Variants in LHFPL6 observed in about 807,000 individuals in gnomAD.
The protein encoded by LHFPL6 is LHFPL tetraspan subfamily member 6.
Under a neutral mutation model 20.6 loss-of-function variants are expected in LHFPL6, and 9 were observed. The observed-to-expected ratio is 0.44, with a 90% CI of 0.26 to 0.76. The LOEUF (loss-of-function observed/expected upper bound fraction) is 0.76. Ranked by LOEUF, LHFPL6 falls within the 30% of genes least tolerant of loss-of-function variation. The pLI, the probability that LHFPL6 is intolerant of heterozygous loss-of-function variation, is 0.20. For missense variants in LHFPL6, 218 were observed against 253.5 expected (o/e 0.86, Z 0.95); for synonymous variants, 105 against 98.7 (o/e 1.06, Z -0.38).
chr13:39,562,491 C>T (rs202024337), intron 2 of LHFPL6, among the ~76,000 whole-genome samples: 49 of 128,658 alleles, frequency 3.8e-4, no homozygotes, highest in Admixed American at 8.1e-4. Flanking sequence ...CATATATACA[C>T]ATATACATAT....
chr13:39,365,364 C>T (rs1869984757), intron 3 of LHFPL6, among the ~76,000 whole-genome samples: 1 of 152,172 alleles, frequency 6.6e-6, no homozygotes, highest in South Asian at 2.1e-4. Flanking sequence ...GGTTACATAC[C>T]TAGAGAACCG....
At chr13:39,437,094 T>C (rs1445981450) in intron 2 of LHFPL6, among the ~76,000 whole-genome samples, 1 of 152,236 alleles carries the variant, frequency 6.6e-6, no homozygotes, top group Non-Finnish European at 1.5e-5. Flanking sequence ...GCTCAAAACA[T>C]GTAAGCTGCT....
intron 2 of LHFPL6, among the ~76,000 whole-genome samples, chr13:39,395,355 G>T (rs1870815163): frequency 6.6e-6 from 1 of 152,178 alleles, no homozygotes. Context: ...CTAAAAATAT[G>T]GATCAGCTGA....
intron 2 of LHFPL6, among the ~76,000 whole-genome samples, chr13:39,483,700 A>T (rs951427387): frequency 6.6e-6 from 1 of 152,160 alleles, no homozygotes; most frequent in Non-Finnish European, 1.5e-5. Context: ...ACCAAAATCA[A>T]TGCAGAGAGG....
chr13:39,455,113 T>C (rs140883759), intron 2 of LHFPL6, among the ~76,000 whole-genome samples: 2 of 152,184 alleles, frequency 1.3e-5, no homozygotes, highest in East Asian at 3.9e-4. Context: ...GGCTTCCCAA[T>C]CTCCAGAATT....
chr13:39,558,585 ATGATGATATCATTTTT>A (rs1259692754), intron 2 of LHFPL6, among the ~76,000 whole-genome samples: 3 of 152,212 alleles, frequency 2.0e-5, no homozygotes, highest in African/African-American at 7.2e-5. Context: ...AGATGACACG[ATGATGATATCATTTTT>A]AAAAGGCCAC....
At chr13:39,495,970 C>T (rs1869088301) in intron 2 of LHFPL6, among the ~76,000 whole-genome samples, 1 of 151,570 alleles carries the variant, frequency 6.6e-6, no homozygotes, top group Non-Finnish European at 1.5e-5. Flanking sequence ...TTCAGTTTGT[C>T]TAGAGTCAAG....
intron 2 of LHFPL6, among the ~76,000 whole-genome samples, chr13:39,399,283 A>T (rs74518448): frequency 0.014 from 2,135 of 152,350 alleles, 58 homozygotes; most frequent in African/African-American, 0.049. Context: ...CAGACACCAC[A>T]GTCTAAAGTG....
At chr13:39,464,313 G>C (rs1872750779) in intron 2 of LHFPL6, among the ~76,000 whole-genome samples, 1 of 152,146 alleles carries the variant, frequency 6.6e-6, no homozygotes, top group Admixed American at 6.5e-5. Flanking sequence ...CCAATAAATT[G>C]AGGTGCTGAT....
chr13:39,385,495 C>G (rs1230893806), intron 2 of LHFPL6, among the ~76,000 whole-genome samples: 1 of 152,256 alleles, frequency 6.6e-6, no homozygotes. Flanking sequence ...GGCCCTTGGG[C>G]CCAAACGTGA....
In LHFPL6 at chr13:39,562,447, C is replaced by CATATATACATATAT. The variant is rs1185334406; in HGVS notation, c.385+38384_385+38385insATATATGTATATAT. On this transcript the variant is annotated intron_variant, in intron 2 of 3. Transcript: ENST00000379589. ...ACATATATACATATATACATATATACACATATATACATATATACACATATA... is the reference window on the plus strand; with the variant it reads ...ACATATATACATATATACATATATACATATATACATATATACATATATACATATATACACATATA... Among the ~76,000 whole-genome samples the CATATATACATATAT allele has an allele frequency of 5.3e-4, 36 of 68,558 alleles. No individual in the cohort carries two copies. The East Asian group carries it at 0.01, about 19-fold the overall frequency. 45.0% of individuals were successfully genotyped at this position (68,558 alleles called of 152,430 possible).
intron 2 of LHFPL6, among the ~76,000 whole-genome samples, chr13:39,437,901 CAA>C (rs71077298): frequency 1.5e-5 from 2 of 133,464 alleles, no homozygotes; most frequent in Non-Finnish European, 3.1e-5. Flanking sequence ...GACTCCGTCT[CAA>C]AAAAAAAAAA....
chr13:39,351,189 G>T (rs1288066093), intron 3 of LHFPL6, among the ~76,000 whole-genome samples: 1 of 152,144 alleles, frequency 6.6e-6, no homozygotes, highest in Non-Finnish European at 1.5e-5. Flanking sequence ...CTTGTGCTAA[G>T]AATAGAAATA....
rs547395775 is a variant in LHFPL6, at chr13:39,407,599, C to T, written c.386-29073G>A. 3.3e-5 allele frequency among the ~76,000 whole-genome samples: 5 copies of T among 152,278 alleles called. No homozygotes were observed. The South Asian group carries it at 1.0e-3, about 32-fold the overall frequency. The stretch of plus-strand genomic sequence containing the variant: ...GACTTAGAAATGCTTTAGAAGATAT[C>T]TGCCTGTAATGGAAAAAATATCTGA... On this transcript the variant is annotated intron_variant, in intron 2 of 3. Transcript: ENST00000379589.
At chr13:39,508,563 A>T (rs1869574024) in intron 2 of LHFPL6, among the ~76,000 whole-genome samples, 1 of 152,186 alleles carries the variant, frequency 6.6e-6, no homozygotes, top group African/African-American at 2.4e-5. Flanking sequence ...CAAGAATTTT[A>T]TATTAATGGA....
intron 3 of LHFPL6, among the ~76,000 whole-genome samples, chr13:39,372,695 C>T (rs1870193790): frequency 6.6e-6 from 1 of 152,198 alleles, no homozygotes; most frequent in Admixed American, 6.5e-5. Flanking sequence ...AAGTTCTCTC[C>T]AATTCTCCTT....
chr13:39,363,508 T>C (rs1316826893), intron 3 of LHFPL6, among the ~76,000 whole-genome samples: 1 of 152,088 alleles, frequency 6.6e-6, no homozygotes, highest in Non-Finnish European at 1.5e-5. Context: ...AGTGTTCCCA[T>C]AAAATTTTAT....
chr13:39,517,420 C>T (rs1427472872), intron 2 of LHFPL6, among the ~76,000 whole-genome samples: 1 of 152,152 alleles, frequency 6.6e-6, no homozygotes, highest in African/African-American at 2.4e-5. Context: ...CAAATAGGTA[C>T]AGGATCCTTG....
chr13:39,488,997 C>T (rs1245650779), intron 2 of LHFPL6, among the ~76,000 whole-genome samples: 1 of 152,180 alleles, frequency 6.6e-6, no homozygotes, highest in East Asian at 1.9e-4. Flanking sequence ...TTTCCTTCAT[C>T]TGTTGGCTTT....
Sources: gnomAD v4.1 joint callset for allele counts (sites outside exome capture counted in the v4.1 genomes callset) on GRCh38, gnomAD v4.1.1 for gene constraint, MANE v1.5 for transcripts, NCBI Gene and HGNC (gene_info 2026-07-23, HGNC 2026-07-21) for gene names.